The following TRHDE variants were observed in gnomAD, a reference collection of about 807,000 sequenced individuals.
The protein encoded by TRHDE is thyrotropin releasing hormone degrading enzyme.
In TRHDE, 72 loss-of-function variants were observed where a neutral mutation model predicts 125.7. The ratio of observed to expected loss-of-function variants is 0.57; its 90% CI spans 0.47 to 0.70. TRHDE has a LOEUF of 0.70. TRHDE is among the 30% of genes least tolerant of loss of function. TRHDE has a pLI of 0.00. For synonymous variants in TRHDE, 509 were observed against 509.1 expected (o/e 1.00, Z 0.00); for missense variants, 1,110 against 1,327.1 (o/e 0.84, Z 2.54).
intron 2 of TRHDE, among the ~76,000 whole-genome samples, chr12:72,160,223 C>T (rs1221381871): frequency 6.6e-6 from 1 of 152,120 alleles, no homozygotes; most frequent in East Asian, 1.9e-4. Flanking sequence ...TTGAATACTG[C>T]TAGGAACTAA....
intron 2 of TRHDE, among the ~76,000 whole-genome samples, chr12:72,375,599 C>T (rs1446080857): frequency 5.9e-5 from 9 of 152,126 alleles, no homozygotes; most frequent in Non-Finnish European, 1.3e-4. Context: ...ATGGTTTTAA[C>T]ATGAATCTAC....
Position 72,272,578 on chromosome 12 carries a change from T to G in TRHDE, c.-66T>G. The G allele has an allele frequency of 4.8e-6, 3 of 630,314 alleles. No homozygotes were observed. The South Asian group carries it at 6.6e-5, about 14-fold the overall frequency. 39.0% of individuals were successfully genotyped at this position (630,314 alleles called of 1,614,324 possible). The stretch of plus-strand genomic sequence containing the variant: ...TGAGCTCTCCGATGCCTGCTCTGGC[T>G]GTGGCCCGGGTGGCCCGCCCGCGGG... On this transcript the variant is annotated 5_prime_UTR_variant, in exon 1 of 19. Coordinates refer to ENST00000261180, the MANE Select transcript of TRHDE (RefSeq NM_013381.3). The surrounding 1 kb of genome is among the most constrained non-coding windows in gnomAD (Gnocchi z 6.7).
At chr12:72,561,161 G>A (rs1034539511) in intron 7 of TRHDE, among the ~76,000 whole-genome samples, 2 of 152,210 alleles carry the variant, frequency 1.3e-5, no homozygotes, top group African/African-American at 4.8e-5. Flanking sequence ...TGTGCTGTGA[G>A]TTGCCAACAA....
chr12:72,307,775 G>T (rs937573339), intron 2 of TRHDE, among the ~76,000 whole-genome samples: 2 of 152,200 alleles, frequency 1.3e-5, no homozygotes, highest in African/African-American at 4.8e-5. Flanking sequence ...AGAAAGAACA[G>T]CTCTGAATCA....
chr12:72,420,200 T>C (rs1873894124), intron 3 of TRHDE, among the ~76,000 whole-genome samples: 1 of 152,150 alleles, frequency 6.6e-6, no homozygotes, highest in African/African-American at 2.4e-5. Context: ...AAAATTAGAT[T>C]GAATGCAGTT....
chr12:72,467,354 C>T (rs565592544), intron 3 of TRHDE, among the ~76,000 whole-genome samples: 3 of 151,852 alleles, frequency 2.0e-5, no homozygotes, highest in East Asian at 1.9e-4. Flanking sequence ...TCTTTGAAAA[C>T]CTCCCCAATC....
At chr12:72,348,518 T>G (rs1283973016) in intron 2 of TRHDE, among the ~76,000 whole-genome samples, 1 of 152,042 alleles carries the variant, frequency 6.6e-6, no homozygotes, top group Admixed American at 6.6e-5. Flanking sequence ...AAGATTATTC[T>G]AGAAGCTGTT....
At chr12:72,405,986 G>A (rs1475904620) in intron 3 of TRHDE, among the ~76,000 whole-genome samples, 1 of 152,034 alleles carries the variant, frequency 6.6e-6, no homozygotes, top group Non-Finnish European at 1.5e-5. Context: ...TTCTTTAAAG[G>A]CTCACTAGCT....
At chr12:72,283,988 A>T (rs945437718) in intron 1 of TRHDE, among the ~76,000 whole-genome samples, 5 of 149,386 alleles carry the variant, frequency 3.3e-5, no homozygotes, top group African/African-American at 1.2e-4. Context: ...TTAAAAAAAA[A>T]GTTATACTGA....
intron 7 of TRHDE, among the ~76,000 whole-genome samples, chr12:72,556,370 A>G (rs1338990151): frequency 6.6e-6 from 1 of 152,224 alleles, no homozygotes; most frequent in African/African-American, 2.4e-5. Context: ...AGGATGAAGA[A>G]CCAGGCTTAC....
intron 3 of TRHDE, among the ~76,000 whole-genome samples, chr12:72,416,382 GC>G (rs1353009410): frequency 6.6e-6 from 1 of 151,926 alleles, no homozygotes; most frequent in Non-Finnish European, 1.5e-5. Context: ...CTGTGCAGAA[GC>G]TTTTTGGCTT....
chr12:72,215,307 C>T (rs937539440), intron 2 of TRHDE, among the ~76,000 whole-genome samples: 2 of 152,096 alleles, frequency 1.3e-5, no homozygotes, highest in African/African-American at 4.8e-5. Context: ...CGGCCATTTA[C>T]ACTTCTTTTG....
intron 17 of TRHDE, among the ~76,000 whole-genome samples, chr12:72,653,954 A>G (rs1874607994): frequency 6.6e-6 from 1 of 152,170 alleles, no homozygotes. Context: ...TTCAATTAGA[A>G]TGGCTGTGTC....
chr12:72,088,678 A>C (rs180901919), intron 1 of TRHDE, among the ~76,000 whole-genome samples: 28 of 152,108 alleles, frequency 1.8e-4, no homozygotes, highest in Non-Finnish European at 2.9e-4. Context: ...CAGACCTCCC[A>C]TCCTGAGTTC....
intron 6 of TRHDE, among the ~76,000 whole-genome samples, chr12:72,532,855 G>A (rs1033463687): frequency 2.7e-5 from 4 of 150,470 alleles, no homozygotes. Context: ...TATTATATAT[G>A]TGGTATTTAT....
chr12:72,544,166 G>T (rs894470462), intron 7 of TRHDE, among the ~76,000 whole-genome samples: 1 of 151,408 alleles, frequency 6.6e-6, no homozygotes, highest in South Asian at 2.1e-4. Context: ...AACTGATTTA[G>T]TGTATCATCA....
intron 7 of TRHDE, among the ~76,000 whole-genome samples, chr12:72,557,685 A>T (rs953381255): frequency 6.6e-6 from 1 of 152,088 alleles, no homozygotes; most frequent in Non-Finnish European, 1.5e-5. Flanking sequence ...TGGCTTTTAC[A>T]CATGACATGT....
intron 17 of TRHDE, among the ~76,000 whole-genome samples, chr12:72,653,587 A>C (rs1874593831): frequency 6.6e-6 from 1 of 152,090 alleles, no homozygotes; most frequent in South Asian, 2.1e-4. Flanking sequence ...AAAATACCTG[A>C]ATAAAACCAT....
At chr12:72,431,673 C>T (rs1338118025) in intron 3 of TRHDE, 2 of 151,064 alleles carry the variant, frequency 1.3e-5, no homozygotes, top group African/African-American at 4.9e-5. Flanking sequence ...AAATGTTCCT[C>T]ATCATAGTGG....
Sources: gnomAD v4.1 joint callset for allele counts (sites outside exome capture counted in the v4.1 genomes callset) on GRCh38, gnomAD v4.1.1 for gene constraint, Gnocchi (gnomAD v3.1) non-coding constraint, MANE v1.5 for transcripts, NCBI Gene and HGNC (gene_info 2026-07-23, HGNC 2026-07-21) for gene names.